Variants in ZNF334 observed in about 807,000 individuals in gnomAD.
The protein encoded by ZNF334 is zinc finger protein 334.
ZNF334 carries 14 observed loss-of-function variants against 12.4 expected under a neutral mutation model. The ratio of observed to expected loss-of-function variants is 1.13; its 90% CI spans 0.74 to 1.76. The LOEUF is 1.76. Ranked by LOEUF, ZNF334 falls within the 40% of genes most tolerant of loss-of-function variation. The pLI, the probability that ZNF334 is intolerant of heterozygous loss-of-function variation, is 0.00. For synonymous variants in ZNF334, 273 were observed against 269.6 expected, an observed-to-expected ratio of 1.01 and a Z score of -0.12; for missense variants, 797 against 804.5, an observed-to-expected ratio of 0.99 and a Z score of 0.11.
chr20:46,479,666 G>A, the ZNF334 span, among the ~76,000 whole-genome samples: 8 of 152,266 alleles, frequency 5.3e-5, no homozygotes, highest in East Asian at 1.5e-3. Context: ...CTTGTGTGGG[G>A]AAAATTCTAC....
In ZNF334 at chr20:46,501,662, C is replaced by G; in HGVS notation, c.1677G>C (p.Leu559=). 1 of 1,613,560 alleles carries G rather than the reference C, an allele frequency of 6.2e-7. No homozygotes were observed. Among genetic ancestry groups the G allele is most frequent in the East Asian group, 2.2e-5 (1 of 44,826 alleles). Reference sequence around the variant, plus strand: ...CTGTGTGTGTTCTCTGATGGTGAGTCAGGGCTGACTTCCTGCAGTAGGTTC... The same window carrying G: ...CTGTGTGTGTTCTCTGATGGTGAGTGAGGGCTGACTTCCTGCAGTAGGTTC... The part of the protein sequence containing the change: ...CGRTYCRKSA[L]THHQRTHTGQ... Residue 559 remains leucine, a synonymous_variant, in exon 5 of 5, where the codon CTG becomes CTC. Coordinates refer to ENST00000692313, the MANE Select transcript of ZNF334 (RefSeq NM_001353824.2).
At chr20:46,467,091 A>G in the ZNF334 span, among the ~76,000 whole-genome samples, 8 of 152,174 alleles carry the variant, frequency 5.3e-5, no homozygotes, top group East Asian at 1.5e-3. Context: ...AAAAATCTAA[A>G]TGTGAAAAAA....
chr20:46,502,092 C>T lies in ZNF334; in HGVS notation c.1247G>A (p.Cys416Tyr), dbSNP rs1210722376. Residue 416 changes from cysteine (C) to tyrosine (Y), a missense_variant, in exon 5 of 5, where the codon TGT becomes TAT. Coordinates refer to ENST00000692313, the MANE Select transcript of ZNF334 (RefSeq NM_001353824.2). ...ECSECEKTFF[C>Y]QSALNVHRRS... ...TCGATGCACATTGAGGGCAGATTGA[C>T]AAAAGAAGGTTTTCTCACATTCACT... 1 of 1,614,152 alleles carries T rather than the reference C, an allele frequency of 6.2e-7. No individual in the cohort carries two copies. Among genetic ancestry groups the T allele is most frequent in the East Asian group, 2.2e-5 (1 of 44,866 alleles).
In ZNF334 at chr20:46,502,598, A is replaced by G; in HGVS notation, c.741T>C (p.Ser247=). ...GATGTACAATGAGGGTAGATCTCTTAGAAAAGGTTTTCCTACATTCATTAC... is the reference window on the plus strand; with the variant it reads ...GATGTACAATGAGGGTAGATCTCTTGGAAAAGGTTTTCCTACATTCATTAC... The part of the protein sequence containing the change: ...NECNECRKTF[S]KRSTLIVHQR... The change falls in exon 5 of 5, where the codon TCT becomes TCC. Residue 247 remains serine, a synonymous_variant. Coordinates refer to ENST00000692313, the MANE Select transcript of ZNF334 (RefSeq NM_001353824.2). 1.2e-6 allele frequency: 2 copies of G among 1,610,486 alleles called. No individual in the cohort carries two copies. The highest frequency in any genetic ancestry group is 1.3e-5 in the African/African-American group (1 of 74,132).
At chr20:46,487,835 C>T in the ZNF334 span, among the ~76,000 whole-genome samples, 1 of 152,176 alleles carries the variant, frequency 6.6e-6, no homozygotes, top group South Asian at 2.1e-4. Flanking sequence ...GTTTTACTTT[C>T]TCATATAAGC....
chr20:46,464,876 G>A, the ZNF334 span: 6 of 534,552 alleles, frequency 1.1e-5, 1 homozygote, highest in South Asian at 5.7e-5. Context: ...TTCCACAAGC[G>A]GTCCAACTAT....
chr20:46,490,015 T>A, the ZNF334 span, among the ~76,000 whole-genome samples: 1 of 152,210 alleles, frequency 6.6e-6, no homozygotes, highest in Admixed American at 6.5e-5. Context: ...AGTTTCTAGA[T>A]GTTTTTATTA....
At chr20:46,466,063 ACATATACCCTATAAATTTCATGTAGAC>A in the ZNF334 span, among the ~76,000 whole-genome samples, 2 of 152,204 alleles carry the variant, frequency 1.3e-5, no homozygotes, top group Non-Finnish European at 2.9e-5. Context: ...TCCGTCTAGC[ACATATACCCTATAAATTTCATGTAGAC>A]TTTTGGCTCA....
At position 46,502,743 on chromosome 20, in the gene ZNF334, T is replaced by C. The variant is rs1483917380; in HGVS notation, c.596A>G (p.His199Arg). 2 of 1,613,884 alleles carry C rather than the reference T, an allele frequency of 1.2e-6. No homozygotes were observed. The highest frequency in any genetic ancestry group is 1.7e-6 in the Non-Finnish European group (2 of 1,180,024). The change falls in exon 5 of 5, where the codon CAC becomes CGC. Residue 199 changes from histidine (H) to arginine (R), a missense_variant. By Grantham distance (29) the His-to-Arg change is conservative (BLOSUM62 0). Coordinates refer to ENST00000692313, the MANE Select transcript of ZNF334 (RefSeq NM_001353824.2). ...ASNQNENLIL[H>R]QNIQILKQPF... is the part of the protein sequence containing the mutation. Reference sequence around the variant, plus strand: ...TTGTTTCAAAATCTGAATGTTCTGGTGCAGAATAAGATTTTCGTTTTGATT... The same window carrying C: ...TTGTTTCAAAATCTGAATGTTCTGGCGCAGAATAAGATTTTCGTTTTGATT...
At chr20:46,474,488 T>G in the ZNF334 span, 1 of 152,178 alleles carries the variant, frequency 6.6e-6, no homozygotes, top group Non-Finnish European at 1.5e-5. Context: ...ATTATATATA[T>G]GTATATACTC....
chr20:46,486,485 A>G, the ZNF334 span, among the ~76,000 whole-genome samples: 1 of 152,240 alleles, frequency 6.6e-6, no homozygotes, highest in Admixed American at 6.5e-5. Context: ...TTATTTAAAC[A>G]GCATGCTGCA....
chr20:46,511,810 G>C lies in ZNF334; in HGVS notation c.21+272C>G, dbSNP rs946027613. On this transcript the variant is annotated intron_variant, in intron 2 of 4. Coordinates refer to ENST00000692313, the MANE Select transcript of ZNF334 (RefSeq NM_001353824.2). Reference sequence around the variant, plus strand: ...ACTGTCTCTACTTCACTTACTCAAAGATCATCCAAGAAAATTTTTAGATAT... The same window carrying C: ...ACTGTCTCTACTTCACTTACTCAAACATCATCCAAGAAAATTTTTAGATAT... 3.9e-5 allele frequency among the ~76,000 whole-genome samples: 6 copies of C among 152,214 alleles called. No homozygotes were observed. In the South Asian group the frequency reaches 6.2e-4, roughly 16 times the overall value.
At chr20:46,469,321 G>C in the ZNF334 span, among the ~76,000 whole-genome samples, 1 of 151,832 alleles carries the variant, frequency 6.6e-6, no homozygotes, top group Non-Finnish European at 1.5e-5. Flanking sequence ...ACTCCCGGAC[G>C]GTAGCAGGAC....
chr20:46,507,932 G>C (rs1242628030), intron 2 of ZNF334, among the ~76,000 whole-genome samples: 1 of 152,132 alleles, frequency 6.6e-6, no homozygotes, highest in Non-Finnish European at 1.5e-5. Context: ...AGGTCTTAAT[G>C]ACTAGAAAGA....
downstream of ZNF334, among the ~76,000 whole-genome samples, chr20:46,495,926 G>T (rs980194310): frequency 6.6e-6 from 1 of 152,108 alleles, no homozygotes; most frequent in East Asian, 1.9e-4. Flanking sequence ...CCTCATGCAT[G>T]GCCACGGTGG....
rs1377101007 is a variant in ZNF334 at position 46,502,003 on chromosome 20, A to C, written c.1336T>G (p.Ser446Ala). ...GTTATCTGATGTGCAATGAGGGCTG[A>C]TTTCGTACATAAAAATTTTCCACAT... is the stretch of plus-strand genomic sequence containing the variant. The part of the protein sequence containing the change: ...SQCGKFLCTK[S>A]ALIAHQITHR... Residue 446 changes from serine to alanine, a missense_variant, in exon 5 of 5, where the codon TCA becomes GCA. Transcript: ENST00000692313. 3 of 1,614,074 alleles carry C rather than the reference A, an allele frequency of 1.9e-6. No homozygotes were observed. Among genetic ancestry groups the C allele is most frequent in the African/African-American group, 2.7e-5 (2 of 75,068 alleles).
chr20:46,480,111 C>A, the ZNF334 span, among the ~76,000 whole-genome samples: 2 of 152,130 alleles, frequency 1.3e-5, no homozygotes, highest in South Asian at 4.1e-4. Context: ...TCTCAGGACC[C>A]CCTGAGGCTC....
At chr20:46,510,700 G>C (rs1017895928) in intron 2 of ZNF334, among the ~76,000 whole-genome samples, 16 of 149,660 alleles carry the variant, frequency 1.1e-4, no homozygotes, top group Non-Finnish European at 2.4e-4. Flanking sequence ...AGAGTTTGCA[G>C]TGAGCTGAGA....
the ZNF334 span, chr20:46,464,660 T>C: frequency 9.2e-6 from 4 of 434,490 alleles, no homozygotes; most frequent in Non-Finnish European, 1.8e-5. Context: ...CCCATTTCCA[T>C]CTCTCCCACT....
Sources: allele counts gnomAD v4.1 joint callset (sites outside exome capture counted in the v4.1 genomes callset), GRCh38; gene constraint gnomAD v4.1.1; transcripts MANE v1.5; gene names NCBI Gene and HGNC (gene_info 2026-07-23, HGNC 2026-07-21).